The following CTNNA3 variants were observed in gnomAD, a reference collection of about 807,000 sequenced individuals.
CTNNA3 encodes the protein catenin alpha-3.
CTNNA3 carries 76 observed loss-of-function variants against 95.7 expected under a neutral mutation model. That is an observed-to-expected ratio of 0.79 (90% CI 0.66 to 0.96). The LOEUF (loss-of-function observed/expected upper bound fraction) is 0.96. Among genes scored for constraint, CTNNA3 ranks in the 40% least tolerant of loss-of-function variants. CTNNA3 has a pLI of 0.00. For synonymous variants in CTNNA3, 431 were observed against 374.4 expected (o/e 1.15, Z -1.74); for missense variants, 1,191 against 1,089.8 (o/e 1.09, Z -1.31).
In CTNNA3 at chr10:67,720,104, T is replaced by C. The variant is rs1387721001; in HGVS notation, c.-2+43330A>G. Among the ~76,000 whole-genome samples, 24 of 132,682 alleles carry C rather than the reference T, an allele frequency of 1.8e-4. No individual in the cohort carries two copies. The South Asian group carries it at 5.1e-3, about 28-fold the overall frequency. 87.0% of individuals were successfully genotyped at this position (132,682 alleles called of 152,430 possible). A position where few individuals can be genotyped will look rare whatever the true frequency, so the allele number is the denominator to read the frequency against. ...TTTTATTGGTTTAAAGTCTGTTTTA[T>C]CAGAGACTAGGATTGCAACCCCTGC... On this transcript the variant is annotated intron_variant, in intron 1 of 17. Transcript: ENST00000684154.
In CTNNA3 at chr10:67,443,690, A is replaced by G. The variant is rs1347599429; in HGVS notation, c.579+78152T>C. Among the ~76,000 whole-genome samples, 4 of 151,730 alleles carry G rather than the reference A, an allele frequency of 2.6e-5. No homozygotes were observed. In the East Asian group the frequency reaches 7.8e-4, roughly 29 times the overall value. On this transcript the variant is annotated intron_variant, in intron 5 of 17. Coordinates refer to ENST00000433211, the MANE Select transcript of CTNNA3 (RefSeq NM_013266.4). The stretch of plus-strand genomic sequence containing the variant: ...TGTTTGAGTTCATTATAGATTCTGG[A>G]TATTAGCCCTTTGTCAGATGAGTAG...
chr10:65,944,854 G>GCCTATCTA (rs369542010), intron 17 of CTNNA3, among the ~76,000 whole-genome samples: 17 of 144,950 alleles, frequency 1.2e-4, no homozygotes, highest in African/African-American at 4.5e-4. Context: ...GAAAATATCT[G>GCCTATCTA]TCTATCTATC....
intron 12 of CTNNA3, among the ~76,000 whole-genome samples, chr10:66,374,353 GC>G (rs1355664407): frequency 1.3e-5 from 2 of 152,128 alleles, no homozygotes; most frequent in Non-Finnish European, 2.9e-5. Flanking sequence ...AAAGGTGGTG[GC>G]ATTTGAGAAA....
chr10:65,939,336 T>G (rs1489043874), intron 17 of CTNNA3, among the ~76,000 whole-genome samples: 1 of 152,226 alleles, frequency 6.6e-6, no homozygotes, highest in African/African-American at 2.4e-5. Flanking sequence ...TTGGACTGAA[T>G]GACTTATAAA....
In CTNNA3 at chr10:66,245,035, C is replaced by T. The variant is rs140787680; in HGVS notation, c.1884+35435G>A. 6.8e-3 allele frequency among the ~76,000 whole-genome samples: 1,033 copies of T among 152,260 alleles called. 12 individuals carry two copies. The highest frequency in any genetic ancestry group is 0.024 in the African/African-American group (996 of 41,542). ...CTTGGGCGCACTGGGCTCATTCTTCCCACCCTGCCTGGCAGGCTGTGCTCA... is the reference window on the plus strand; with the variant it reads ...CTTGGGCGCACTGGGCTCATTCTTCTCACCCTGCCTGGCAGGCTGTGCTCA... On this transcript the variant is annotated intron_variant, in intron 13 of 17. Coordinates refer to ENST00000433211, the MANE Select transcript of CTNNA3 (RefSeq NM_013266.4).
intron 7 of CTNNA3, among the ~76,000 whole-genome samples, chr10:66,835,442 A>T (rs924019439): frequency 3.9e-5 from 6 of 152,170 alleles, no homozygotes; most frequent in Non-Finnish European, 8.8e-5. Flanking sequence ...AGTTTAGCAA[A>T]CCCTCTAGGG....
intron 11 of CTNNA3, among the ~76,000 whole-genome samples, chr10:66,391,564 C>G (rs1486003674): frequency 5.3e-5 from 8 of 152,016 alleles, no homozygotes; most frequent in Non-Finnish European, 1.2e-4. Context: ...TATTTTAAAA[C>G]TCTGTAAGAG....
intron 5 of CTNNA3, among the ~76,000 whole-genome samples, chr10:67,479,960 C>T (rs1311908977): frequency 2.0e-5 from 3 of 152,076 alleles, no homozygotes; most frequent in African/African-American, 7.2e-5. Context: ...TTATGAACAC[C>T]TCAATGCACA....
In CTNNA3 at chr10:67,205,789, T is replaced by C. The variant is rs1045955600; in HGVS notation, c.843+13818A>G. Among the ~76,000 whole-genome samples, 4 of 152,166 alleles carry C rather than the reference T, an allele frequency of 2.6e-5. No individual in the cohort carries two copies. The East Asian group carries it at 7.7e-4, about 29-fold the overall frequency. The stretch of plus-strand genomic sequence containing the variant: ...TACAGATCTTAAAAGAAGCAAAATA[T>C]AATTTTCCTAGGGAAAAAAGGGAGA... On this transcript the variant is annotated intron_variant, in intron 6 of 17. Coordinates refer to ENST00000433211, the MANE Select transcript of CTNNA3 (RefSeq NM_013266.4).
chr10:67,682,977 G>C lies in CTNNA3; in HGVS notation c.-6+13023C>G, dbSNP rs182387105. On this transcript the variant is annotated intron_variant, in intron 1 of 17. Transcript: ENST00000433211. The stretch of plus-strand genomic sequence containing the variant: ...CAAATATAACTGTCTTAAGCGGGAA[G>C]AAGATACAAGATCAACCTGCATAAC... Among the ~76,000 whole-genome samples the C allele has an allele frequency of 2.2e-3, 330 of 152,304 alleles. 1 individual carries two copies. Among genetic ancestry groups the C allele is most frequent in the Non-Finnish European group, 3.0e-3 (207 of 68,034 alleles).
chr10:66,739,888 T>C (rs1408167512), intron 9 of CTNNA3, among the ~76,000 whole-genome samples: 1 of 152,196 alleles, frequency 6.6e-6, no homozygotes, highest in African/African-American at 2.4e-5. Context: ...AGAGACTTGC[T>C]AAAGTTTATA....
chr10:65,938,988 C>T (rs940506891), intron 17 of CTNNA3, among the ~76,000 whole-genome samples: 3 of 151,830 alleles, frequency 2.0e-5, no homozygotes, highest in Non-Finnish European at 4.4e-5. Flanking sequence ...CTGCAAGCTC[C>T]GCCTCCCGGG....
intron 5 of CTNNA3, among the ~76,000 whole-genome samples, chr10:67,401,135 A>G (rs1844903378): frequency 2.0e-5 from 3 of 152,174 alleles, no homozygotes; most frequent in Admixed American, 6.5e-5. Flanking sequence ...CCACCACATT[A>G]GGACAGCAAC....
intron 1 of CTNNA3, among the ~76,000 whole-genome samples, chr10:67,753,661 G>A (rs138146404): frequency 0.021 from 3,259 of 152,192 alleles, 80 homozygotes; most frequent in South Asian, 0.032. Flanking sequence ...CAAAGGACGT[G>A]AACAGACACT....
At chr10:66,560,503 A>G (rs1221702379) in intron 10 of CTNNA3, among the ~76,000 whole-genome samples, 1 of 152,112 alleles carries the variant, frequency 6.6e-6, no homozygotes, top group Non-Finnish European at 1.5e-5. Context: ...CAACACAGGT[A>G]TCAAGAGTTC....
At chr10:67,423,699 A>G (rs956313725) in intron 5 of CTNNA3, among the ~76,000 whole-genome samples, 5 of 152,186 alleles carry the variant, frequency 3.3e-5, no homozygotes, top group African/African-American at 1.2e-4. Flanking sequence ...TACATGAGAC[A>G]AAGTTAACAT....
chr10:67,075,584 T>C (rs1454773986), intron 7 of CTNNA3, among the ~76,000 whole-genome samples: 2 of 152,190 alleles, frequency 1.3e-5, no homozygotes, highest in Admixed American at 6.5e-5. Flanking sequence ...AAGTAAGATA[T>C]AGACAAAGTG....
intron 11 of CTNNA3, among the ~76,000 whole-genome samples, chr10:66,507,153 T>C (rs1840476912): frequency 6.6e-6 from 1 of 152,180 alleles, no homozygotes; most frequent in South Asian, 2.1e-4. Context: ...TCATGCTCAC[T>C]ATGATGTCAT....
chr10:67,154,283 G>A lies in CTNNA3; in HGVS notation c.1047+26034C>T, dbSNP rs138028090. Among the ~76,000 whole-genome samples, 760 of 152,066 alleles carry A rather than the reference G, an allele frequency of 5.0e-3. 6 individuals carry two copies. Among genetic ancestry groups the A allele is most frequent in the African/African-American group, 0.017 (704 of 41,480 alleles). ...ATTACTTTTCATCTTAAAATATATC[G>A]TTAATGGGCTTTTTTTTAAGTCATA... On this transcript the variant is annotated intron_variant, in intron 7 of 17. Transcript: ENST00000433211.
Sources: allele counts gnomAD v4.1 joint callset (sites outside exome capture counted in the v4.1 genomes callset), GRCh38; gene constraint gnomAD v4.1.1; transcripts MANE v1.5; gene names NCBI Gene and HGNC (gene_info 2026-07-23, HGNC 2026-07-21).